The following PPARGC1A variants were observed in gnomAD, a reference collection of about 807,000 sequenced individuals.
The protein encoded by PPARGC1A is PPARG coactivator 1 alpha.
Under a neutral mutation model 88.7 loss-of-function variants are expected in PPARGC1A, and 25 were observed. The observed-to-expected ratio is 0.28, with a 90% CI of 0.21 to 0.39. The LOEUF (loss-of-function observed/expected upper bound fraction) is 0.39, where lower values mean the gene tolerates loss of function less well. PPARGC1A is among the 10% of genes least tolerant of loss of function. The pLI, the probability that PPARGC1A is intolerant of heterozygous loss-of-function variation, is 1.00. For missense variants in PPARGC1A, 880 were observed against 968.7 expected, an observed-to-expected ratio of 0.91 and a Z score of 1.22; for synonymous variants, 363 against 355.6, an observed-to-expected ratio of 1.02 and a Z score of -0.24.
At chr4:24,413,747 G>A in the PPARGC1A span, among the ~76,000 whole-genome samples, 1 of 152,274 alleles carries the variant, frequency 6.6e-6, no homozygotes, top group South Asian at 2.1e-4. Context: ...ATCAGCCTGA[G>A]AAGACCCTGA....
intron 12 of PPARGC1A, among the ~76,000 whole-genome samples, chr4:23,801,256 TAC>T (rs914501271): frequency 4.6e-4 from 70 of 151,454 alleles, no homozygotes; most frequent in African/African-American, 1.6e-3. Context: ...CCTGCATACA[TAC>T]ACACACAAAG....
At chr4:23,951,233 C>T in the PPARGC1A span, among the ~76,000 whole-genome samples, 1 of 152,162 alleles carries the variant, frequency 6.6e-6, no homozygotes, top group East Asian at 1.9e-4. Flanking sequence ...ATGAAGAATG[C>T]TGGGACCAAG....
At chr4:23,852,244 T>C (rs1008164337) in intron 2 of PPARGC1A, among the ~76,000 whole-genome samples, 3 of 152,186 alleles carry the variant, frequency 2.0e-5, no homozygotes, top group Admixed American at 6.5e-5. Context: ...TTGGTGAGCA[T>C]GGTTTTGCCT....
chr4:24,383,265 G>A, the PPARGC1A span, among the ~76,000 whole-genome samples: 1 of 152,122 alleles, frequency 6.6e-6, no homozygotes, highest in Non-Finnish European at 1.5e-5. Context: ...ACAAAGGTGA[G>A]GAAAAACCAG....
chr4:24,398,731 G>A, the PPARGC1A span, among the ~76,000 whole-genome samples: 1 of 152,144 alleles, frequency 6.6e-6, no homozygotes, highest in Non-Finnish European at 1.5e-5. Flanking sequence ...TGAAACTGTG[G>A]GATGCCAGAG....
the PPARGC1A span, among the ~76,000 whole-genome samples, chr4:24,169,852 A>C: frequency 6.6e-6 from 1 of 151,980 alleles, no homozygotes; most frequent in African/African-American, 2.4e-5. Flanking sequence ...ACAAAAAGAT[A>C]ATCTCTCTCC....
chr4:23,890,187 G>A (rs1411852314), upstream of PPARGC1A: 19 of 768,754 alleles, frequency 2.5e-5, no homozygotes, highest in East Asian at 3.4e-4. Flanking sequence ...TCACTCAAAG[G>A]CAGCCCTCTG....
chr4:24,339,223 TATATATATATATATACACAC>T, the PPARGC1A span, among the ~76,000 whole-genome samples: 3 of 72,408 alleles, frequency 4.1e-5, no homozygotes, highest in Non-Finnish European at 9.1e-5. Context: ...TATATATATA[TATATATATATATATACACAC>T]ACACACACAC....
the PPARGC1A span, among the ~76,000 whole-genome samples, chr4:24,460,312 G>A: frequency 8.6e-5 from 13 of 151,876 alleles, no homozygotes; most frequent in African/African-American, 2.2e-4. Context: ...CTTTTCAGCC[G>A]GCGAACTGTT....
At chr4:24,397,229 G>A in the PPARGC1A span, among the ~76,000 whole-genome samples, 2 of 152,116 alleles carry the variant, frequency 1.3e-5, no homozygotes, top group South Asian at 2.1e-4. Flanking sequence ...TATACCCAGC[G>A]TTGATAAGAG....
At chr4:24,001,727 C>A in the PPARGC1A span, among the ~76,000 whole-genome samples, 1 of 152,000 alleles carries the variant, frequency 6.6e-6, no homozygotes, top group East Asian at 1.9e-4. Flanking sequence ...ACGGTAATCT[C>A]CTTCAGGAGC....
the PPARGC1A span, among the ~76,000 whole-genome samples, chr4:23,968,533 T>C: frequency 8.5e-5 from 13 of 152,180 alleles, no homozygotes; most frequent in African/African-American, 3.1e-4. Context: ...CTCATACTTT[T>C]ATGAAGACAG....
At chr4:24,097,277 G>T in the PPARGC1A span, among the ~76,000 whole-genome samples, 21 of 152,144 alleles carry the variant, frequency 1.4e-4, no homozygotes, top group Non-Finnish European at 2.8e-4. Context: ...AAAAGTCTGG[G>T]GTGAAGGGAG....
the PPARGC1A span, among the ~76,000 whole-genome samples, chr4:24,183,185 T>C: frequency 6.6e-6 from 1 of 152,144 alleles, no homozygotes. Flanking sequence ...GCTGGTGCAA[T>C]AACACAAGCA....
At chr4:23,968,497 C>T in the PPARGC1A span, among the ~76,000 whole-genome samples, 1 of 152,132 alleles carries the variant, frequency 6.6e-6, no homozygotes, top group African/African-American at 2.4e-5. Flanking sequence ...AACTTTAGCA[C>T]TCTTTAGTTT....
upstream of PPARGC1A, among the ~76,000 whole-genome samples, chr4:23,901,054 G>T (rs1719283430): frequency 6.6e-6 from 1 of 152,016 alleles, no homozygotes; most frequent in Non-Finnish European, 1.5e-5. Flanking sequence ...GTGAAACCTG[G>T]TCTCTATTAA....
chr4:24,114,501 G>A, the PPARGC1A span, among the ~76,000 whole-genome samples: 1 of 152,184 alleles, frequency 6.6e-6, no homozygotes, highest in Non-Finnish European at 1.5e-5. Flanking sequence ...TGTGGTAAGT[G>A]AGTGGTGGCA....
intron 7 of PPARGC1A, among the ~76,000 whole-genome samples, chr4:23,823,307 T>C (rs1723342808): frequency 6.6e-6 from 1 of 151,944 alleles, no homozygotes; most frequent in Admixed American, 6.6e-5. Flanking sequence ...ATAATATGTA[T>C]TATATAATAA....
chr4:24,096,886 A>G, the PPARGC1A span, among the ~76,000 whole-genome samples: 14 of 152,324 alleles, frequency 9.2e-5, no homozygotes, highest in Non-Finnish European at 1.6e-4. Context: ...TACAAAGTGC[A>G]TCAGTCAGTC....
Sources: allele counts gnomAD v4.1 joint callset (sites outside exome capture counted in the v4.1 genomes callset), GRCh38; gene constraint gnomAD v4.1.1; transcripts MANE v1.5; gene names NCBI Gene and HGNC (gene_info 2026-07-23, HGNC 2026-07-21).